The following DPP10 variants were observed in gnomAD, a reference collection of about 807,000 sequenced individuals.
DPP10 encodes dipeptidyl peptidase like 10, also known as inactive dipeptidyl peptidase 10.
Under a neutral mutation model 120.9 loss-of-function variants are expected in DPP10, and 33 were observed. That is an observed-to-expected ratio of 0.27 (90% CI 0.21 to 0.37). The LOEUF (loss-of-function observed/expected upper bound fraction) is 0.37. Ranked by LOEUF, DPP10 falls within the 10% of genes least tolerant of loss-of-function variation. DPP10 has a pLI of 1.00. For missense variants in DPP10, 816 were observed against 942.8 expected (o/e 0.87, Z 1.76); for synonymous variants, 337 against 326.1 (o/e 1.03, Z -0.36).
chr2:114,625,562 T>G (rs1694449377), intron 1 of DPP10, among the ~76,000 whole-genome samples: 1 of 152,032 alleles, frequency 6.6e-6, no homozygotes, highest in Non-Finnish European at 1.5e-5. Context: ...TTGGTTGAGA[T>G]ACAACAGGTA....
At chr2:115,713,533 G>C (rs890162984) in intron 7 of DPP10, among the ~76,000 whole-genome samples, 1 of 152,140 alleles carries the variant, frequency 6.6e-6, no homozygotes, top group African/African-American at 2.4e-5. Flanking sequence ...TGTGAGGAAG[G>C]GGGTCACTAA....
intron 3 of DPP10, among the ~76,000 whole-genome samples, chr2:115,408,617 G>A (rs575618947): frequency 6.6e-6 from 1 of 152,208 alleles, no homozygotes; most frequent in East Asian, 1.9e-4. Context: ...ATCATATAAA[G>A]TATATTCTCT....
intron 1 of DPP10, among the ~76,000 whole-genome samples, chr2:114,783,090 A>C (rs1368956366): frequency 6.6e-6 from 1 of 152,178 alleles, no homozygotes; most frequent in Non-Finnish European, 1.5e-5. Flanking sequence ...ATTAAAATTA[A>C]AAACTAATTT....
chr2:115,425,807 C>T (rs185787019), intron 3 of DPP10, among the ~76,000 whole-genome samples: 8 of 152,218 alleles, frequency 5.3e-5, no homozygotes, highest in East Asian at 1.9e-4. Context: ...AAGCATAGCA[C>T]GGGCATCTGC....
rs528860303 is a variant in DPP10, at chr2:114,966,957, G to T, written c.61-342282G>T. Among the ~76,000 whole-genome samples, 3 of 152,196 alleles carry T rather than the reference G, an allele frequency of 2.0e-5. No homozygotes were observed. The South Asian group carries it at 6.2e-4, about 32-fold the overall frequency. ...CTTGGGAGGCTGAGGCAGGAGAATC[G>T]CTTGAACTCGGGAGGCGGAGGTTGC... is the stretch of plus-strand genomic sequence containing the variant. On this transcript the variant is annotated intron_variant, in intron 1 of 25. Transcript: ENST00000410059.
intron 5 of DPP10, among the ~76,000 whole-genome samples, chr2:115,584,288 C>T (rs1476401702): frequency 1.3e-5 from 2 of 152,050 alleles, no homozygotes; most frequent in Non-Finnish European, 2.9e-5. Context: ...AAAATAAAAC[C>T]ATTATCTACA....
intron 1 of DPP10, among the ~76,000 whole-genome samples, chr2:114,449,258 T>C (rs922154480): frequency 6.6e-6 from 1 of 152,128 alleles, no homozygotes; most frequent in Non-Finnish European, 1.5e-5. Context: ...GGCCCGTAGA[T>C]ATGTGCCAGG....
At position 115,420,421 on chromosome 2, in the gene DPP10, T is replaced by C. The variant is rs2069833281; in HGVS notation, c.271+76509T>C. ...TATCCATTATGGATTAGAGTCCATGTATAACAGAGAGAAAGAGCTATTTTC... is the reference window on the plus strand; with the variant it reads ...TATCCATTATGGATTAGAGTCCATGCATAACAGAGAGAAAGAGCTATTTTC... On this transcript the variant is annotated intron_variant, in intron 3 of 25. Coordinates refer to ENST00000410059, the MANE Select transcript of DPP10 (RefSeq NM_020868.6). 2.0e-5 allele frequency among the ~76,000 whole-genome samples: 3 copies of C among 152,322 alleles called. No homozygotes were observed. In the South Asian group the frequency reaches 6.2e-4, roughly 32 times the overall value.
chr2:115,742,523 G>A (rs1192096083), intron 9 of DPP10, among the ~76,000 whole-genome samples: 1 of 152,086 alleles, frequency 6.6e-6, no homozygotes, highest in Non-Finnish European at 1.5e-5. Context: ...CCAGTCCTCA[G>A]GTGATTTTTA....
At chr2:115,264,426 A>G (rs1401029232) in intron 1 of DPP10, among the ~76,000 whole-genome samples, 1 of 152,194 alleles carries the variant, frequency 6.6e-6, no homozygotes, top group East Asian at 1.9e-4. Context: ...AGGATCGCAT[A>G]AACAAGTCAA....
At chr2:115,100,712 C>T (rs1449283342) in intron 1 of DPP10, among the ~76,000 whole-genome samples, 5 of 152,076 alleles carry the variant, frequency 3.3e-5, no homozygotes, top group Non-Finnish European at 7.4e-5. Context: ...ATCACTGCCT[C>T]TTTTAAGTTG....
chr2:115,607,499 C>T (rs569511727), intron 5 of DPP10, among the ~76,000 whole-genome samples: 1 of 152,260 alleles, frequency 6.6e-6, no homozygotes, highest in African/African-American at 2.4e-5. Flanking sequence ...CATTATGTGG[C>T]TACTGAAAGC....
intron 4 of DPP10, among the ~76,000 whole-genome samples, chr2:115,511,772 G>T: frequency 7.9e-6 from 1 of 126,250 alleles, no homozygotes; most frequent in South Asian, 2.6e-4. Context: ...CTGTTACCTA[G>T]TCTGGAGTGT....
chr2:114,661,523 G>A (rs1480165298), intron 1 of DPP10, among the ~76,000 whole-genome samples: 3 of 152,164 alleles, frequency 2.0e-5, no homozygotes, highest in African/African-American at 7.2e-5. Flanking sequence ...GGAAGGCCGT[G>A]TCCCTGTAAG....
At chr2:115,287,910 A>G (rs2060469972) in intron 1 of DPP10, among the ~76,000 whole-genome samples, 1 of 152,178 alleles carries the variant, frequency 6.6e-6, no homozygotes, top group Non-Finnish European at 1.5e-5. Flanking sequence ...TTATTTATCC[A>G]CTTATCTATT....
At chr2:115,070,324 G>T (rs949520125) in intron 1 of DPP10, among the ~76,000 whole-genome samples, 1 of 151,862 alleles carries the variant, frequency 6.6e-6, no homozygotes, top group Admixed American at 6.5e-5. Context: ...TTATTGTATT[G>T]TAATTTTTAA....
At chr2:115,469,890 A>AG (rs2074580020) in intron 3 of DPP10, among the ~76,000 whole-genome samples, 1 of 148,540 alleles carries the variant, frequency 6.7e-6, no homozygotes, top group African/African-American at 2.5e-5. Context: ...AAGAGAAAAA[A>AG]AAAAAAAAAG....
chr2:114,610,124 C>T (rs967756607), intron 1 of DPP10, among the ~76,000 whole-genome samples: 1 of 152,122 alleles, frequency 6.6e-6, no homozygotes, highest in Non-Finnish European at 1.5e-5. Context: ...TTACGGATGA[C>T]GAAACTGAGG....
At chr2:115,073,932 A>G (rs1707576610) in intron 1 of DPP10, among the ~76,000 whole-genome samples, 1 of 152,242 alleles carries the variant, frequency 6.6e-6, no homozygotes, top group South Asian at 2.1e-4. Flanking sequence ...TTAAAATCAC[A>G]TGAGCCTGTT....
Sources: gnomAD v4.1 joint callset for allele counts (sites outside exome capture counted in the v4.1 genomes callset) on GRCh38, gnomAD v4.1.1 for gene constraint, MANE v1.5 for transcripts, NCBI Gene and HGNC (gene_info 2026-07-23, HGNC 2026-07-21) for gene names.